FBXL13: variants seen among roughly 807,000 people sequenced by gnomAD.
FBXL13 encodes the protein F-box and leucine-rich repeat protein 13.
FBXL13 carries 67 observed loss-of-function variants against 83.6 expected under a neutral mutation model. The ratio of observed to expected loss-of-function variants is 0.80; its 90% CI spans 0.66 to 0.98. The LOEUF (loss-of-function observed/expected upper bound fraction) is 0.98, where lower values mean the gene tolerates loss of function less well. Among genes scored for constraint, FBXL13 ranks in the 50% least tolerant of loss-of-function variants. The pLI, the probability that FBXL13 is intolerant of heterozygous loss-of-function variation, is 0.00. For synonymous variants in FBXL13, 272 were observed against 299.5 expected, an observed-to-expected ratio of 0.91 and a Z score of 0.95; for missense variants, 822 against 866.5, an observed-to-expected ratio of 0.95 and a Z score of 0.64.
intron 4 of FBXL13, among the ~76,000 whole-genome samples, 197 bp downstream of exon 5, chr7:103,028,403 T>A (rs966263937): frequency 2.0e-5 from 3 of 152,184 alleles, no homozygotes; most frequent in African/African-American, 7.2e-5. Context: ...TTTTAAATGT[T>A]TTCTATTAAA....
At chr7:102,880,752 A>C (rs1460764589) in intron 14 of FBXL13, among the ~76,000 whole-genome samples, 1 of 152,182 alleles carries the variant, frequency 6.6e-6, no homozygotes, top group Non-Finnish European at 1.5e-5. Context: ...CTAGCCTGAG[A>C]AGCTTTGTGC....
At chr7:102,941,309 G>C (rs535149714) in intron 8 of FBXL13, among the ~76,000 whole-genome samples, 2 of 152,082 alleles carry the variant, frequency 1.3e-5, no homozygotes, top group African/African-American at 2.4e-5. Context: ...CAAAGCCAGG[G>C]TACAGGGTAA....
At chr7:103,008,389 A>G (rs1791212475) in intron 6 of FBXL13, among the ~76,000 whole-genome samples, 1 of 152,162 alleles carries the variant, frequency 6.6e-6, no homozygotes, top group Non-Finnish European at 1.5e-5. Flanking sequence ...GATCAACTGT[A>G]AAAGCATGCC....
At chr7:103,048,033 A>T (rs896566808) in intron 2 of FBXL13, among the ~76,000 whole-genome samples, 3 of 152,170 alleles carry the variant, frequency 2.0e-5, no homozygotes, top group African/African-American at 7.2e-5. Flanking sequence ...ATCATTCACT[A>T]AAATATAACC....
chr7:102,930,491 A>T (rs971015990), intron 9 of FBXL13, among the ~76,000 whole-genome samples: 2 of 152,288 alleles, frequency 1.3e-5, no homozygotes. Context: ...TTCACAATTC[A>T]TTGCAAGTAG....
At chr7:103,055,840 GT>G in intron 1 of FBXL13, 93 bp from the exon 2 acceptor site, 9 of 519,592 alleles carry the variant, frequency 1.7e-5, no homozygotes, top group South Asian at 5.3e-5. Flanking sequence ...TTTGTTTTGG[GT>G]TTTTTTGGTT....
chr7:102,814,899 A>G (rs903393293), intron 19 of FBXL13, among the ~76,000 whole-genome samples: 3 of 152,220 alleles, frequency 2.0e-5, no homozygotes, highest in African/African-American at 7.2e-5. Context: ...GAACATTACT[A>G]TGCAAAAGTA....
intron 16 of FBXL13, among the ~76,000 whole-genome samples, chr7:102,870,160 T>C (rs1229797459): frequency 1.3e-5 from 2 of 152,214 alleles, no homozygotes; most frequent in African/African-American, 2.4e-5. Context: ...ATAATCTGTA[T>C]GCTATCAGTA....
chr7:103,014,812 A>G (rs13245433), intron 6 of FBXL13, among the ~76,000 whole-genome samples: 1 of 150,154 alleles, frequency 6.7e-6, no homozygotes, highest in Non-Finnish European at 1.5e-5. Context: ...AGTCCCAGCT[A>G]CTTGGGAGGC....
chr7:102,811,764 A>G (rs1797449910), downstream of FBXL13, among the ~76,000 whole-genome samples: 2 of 152,184 alleles, frequency 1.3e-5, no homozygotes, highest in Non-Finnish European at 1.5e-5. Flanking sequence ...TTAGGTTAAA[A>G]TCATACTCTT....
chr7:102,955,901 A>T (rs1045431354), intron 8 of FBXL13, among the ~76,000 whole-genome samples: 2 of 152,178 alleles, frequency 1.3e-5, no homozygotes, highest in African/African-American at 4.8e-5. Context: ...ATAGTCTAAC[A>T]ACCAAAAAAA....
At chr7:103,005,241 G>C (rs940904065) in intron 6 of FBXL13, among the ~76,000 whole-genome samples, 2 of 152,118 alleles carry the variant, frequency 1.3e-5, no homozygotes, top group Non-Finnish European at 1.5e-5. Flanking sequence ...AAAATTTCTT[G>C]AGAACAGAAA....
chr7:102,864,850 A>G (rs1807406387), intron 16 of FBXL13, among the ~76,000 whole-genome samples: 1 of 152,226 alleles, frequency 6.6e-6, no homozygotes, highest in African/African-American at 2.4e-5. Flanking sequence ...GAGGTAGGTA[A>G]TATTATAATC....
At chr7:102,827,936 G>A (rs1040662248) in intron 18 of FBXL13, among the ~76,000 whole-genome samples, 5 of 152,054 alleles carry the variant, frequency 3.3e-5, no homozygotes, top group African/African-American at 9.7e-5. Flanking sequence ...TGTTCCATTG[G>A]TCTATATCTC....
chr7:103,009,640 G>C (rs900488836), intron 6 of FBXL13, among the ~76,000 whole-genome samples: 1 of 152,236 alleles, frequency 6.6e-6, no homozygotes, highest in Non-Finnish European at 1.5e-5. Context: ...ACCAGCACCA[G>C]CACTATAGCC....
intron 18 of FBXL13, among the ~76,000 whole-genome samples, chr7:102,825,062 C>T (rs945729329): frequency 5.3e-5 from 8 of 151,976 alleles, no homozygotes; most frequent in East Asian, 1.9e-4. Flanking sequence ...TGGTCATTTC[C>T]GTTGTTTTCA....
chr7:103,067,589 T>C (rs79230735), intron 1 of FBXL13, among the ~76,000 whole-genome samples: 1,675 of 152,332 alleles, frequency 0.011, 36 homozygotes, highest in African/African-American at 0.039. Context: ...AAGCTCAAGC[T>C]ACATGGAGAT....
chr7:102,973,586 C>A (rs1212077267), intron 6 of FBXL13: 1 of 765,662 alleles, frequency 1.3e-6, no homozygotes, highest in African/African-American at 1.7e-5. Context: ...GGCACACTCT[C>A]AAGAGTTTGA....
chr7:103,015,606 G>A (rs1792196903), intron 6 of FBXL13, among the ~76,000 whole-genome samples: 1 of 152,028 alleles, frequency 6.6e-6, no homozygotes. Flanking sequence ...GGACCAGCCT[G>A]GCCAATATAG....
Sources: allele counts gnomAD v4.1 joint callset (sites outside exome capture counted in the v4.1 genomes callset), GRCh38; gene constraint gnomAD v4.1.1; transcripts MANE v1.5; gene names NCBI Gene and HGNC (gene_info 2026-07-23, HGNC 2026-07-21).